CFAP206: variants seen among roughly 807,000 people sequenced by gnomAD.
The protein encoded by CFAP206 is cilia- and flagella-associated protein 206.
A neutral mutation model predicts 65.4 loss-of-function variants in CFAP206; 53 were observed. The observed-to-expected ratio is 0.81, with a 90% CI of 0.65 to 1.02. CFAP206 has a LOEUF of 1.02. CFAP206 is among the 50% of genes least tolerant of loss of function. The probability of loss-of-function intolerance (pLI) is 0.00; values close to 1 mark genes in which losing one functional copy is unlikely to be tolerated. For synonymous variants in CFAP206, 250 were observed against 254.4 expected (o/e 0.98, Z 0.17); for missense variants, 663 against 753.2 (o/e 0.88, Z 1.40).
chr6:87,414,171 A>G (rs1285113708), intron 4 of CFAP206, among the ~76,000 whole-genome samples: 1 of 152,228 alleles, frequency 6.6e-6, no homozygotes, highest in Non-Finnish European at 1.5e-5. Context: ...CAGCCCATTG[A>G]AGTTAAAAGT....
intron 11 of CFAP206, among the ~76,000 whole-genome samples, chr6:87,459,006 A>T (rs1019002737): frequency 6.6e-6 from 1 of 152,112 alleles, no homozygotes; most frequent in African/African-American, 2.4e-5. Context: ...TAGTTCTCAA[A>T]TTTGTTCAAA....
chr6:87,446,983 T>C (rs1246877026), intron 11 of CFAP206, among the ~76,000 whole-genome samples: 1 of 152,198 alleles, frequency 6.6e-6, no homozygotes, highest in African/African-American at 2.4e-5. Context: ...TATCATGGTT[T>C]GGCTCTCTGC....
intron 11 of CFAP206, among the ~76,000 whole-genome samples, chr6:87,460,425 A>G (rs1213819370): frequency 6.6e-6 from 1 of 152,184 alleles, no homozygotes; most frequent in African/African-American, 2.4e-5. Context: ...ATTTCTATCC[A>G]TTTTCAACAG....
chr6:87,461,225 T>A (rs779127125), intron 12 of CFAP206, 60 bp downstream of exon 12: 42 of 1,150,452 alleles, frequency 3.7e-5, no homozygotes, highest in Non-Finnish European at 5.0e-5. Context: ...CTATTGTTAC[T>A]CATAGAGTTG....
intron 5 of CFAP206, 27 bp from the exon 6 acceptor site, chr6:87,416,642 C>A: frequency 3.3e-6 from 4 of 1,222,664 alleles, no homozygotes; most frequent in South Asian, 1.6e-5. Flanking sequence ...TTTTGTTTTC[C>A]TTTTTTTTTT....
intron 1 of CFAP206, 83 bp from the exon 2 acceptor site, chr6:87,409,752 C>CAGA: frequency 1.2e-6 from 1 of 846,186 alleles, no homozygotes. Context: ...TTTACAAATA[C>CAGA]AATATTGCAG....
rs376007506 is a variant in CFAP206, at chr6:87,409,359, G to T, written c.-5-476G>T. Among the ~76,000 whole-genome samples, 9 of 151,966 alleles carry T rather than the reference G, an allele frequency of 5.9e-5. No individual in the cohort carries two copies. The East Asian group carries it at 9.7e-4, about 16-fold the overall frequency. ...CTCCCAAGTAGCTGGGATTACAGGC[G>T]TGTGCCACCACTCCCGGCTAATTTT... On this transcript the variant is annotated intron_variant, in intron 1 of 12. Coordinates refer to ENST00000369562, the MANE Select transcript of CFAP206 (RefSeq NM_001031743.3).
intron 3 of CFAP206, among the ~76,000 whole-genome samples, chr6:87,412,743 C>T (rs930616244): frequency 3.3e-5 from 5 of 152,110 alleles, no homozygotes; most frequent in Middle Eastern, 3.2e-3. Context: ...ATTGCCATGT[C>T]CACCTCCCGG....
At chr6:87,454,888 A>G (rs118077762) in intron 11 of CFAP206, among the ~76,000 whole-genome samples, 8,303 of 150,492 alleles carry the variant, frequency 0.055, 285 homozygotes, top group East Asian at 0.086. Flanking sequence ...AACCCTAAAA[A>G]TCAATAACAA....
chr6:87,420,841 GT>G (rs1767927994), intron 7 of CFAP206, among the ~76,000 whole-genome samples: 1 of 152,180 alleles, frequency 6.6e-6, no homozygotes, highest in African/African-American at 2.4e-5. Context: ...CTTTATGGCT[GT>G]TTTGTACTGA....
intron 11 of CFAP206, among the ~76,000 whole-genome samples, chr6:87,452,225 C>A (rs902948505): frequency 6.6e-6 from 1 of 152,240 alleles, no homozygotes; most frequent in Non-Finnish European, 1.5e-5. Context: ...CAAGGCAGTA[C>A]CTCTGCGAGT....
chr6:87,412,068 G>T (rs1767743558), intron 3 of CFAP206, among the ~76,000 whole-genome samples: 1 of 152,146 alleles, frequency 6.6e-6, no homozygotes, highest in Non-Finnish European at 1.5e-5. Context: ...GACCCAAGAA[G>T]AGTTTTCCAT....
chr6:87,424,078 G>A lies in CFAP206; in HGVS notation c.841-2448G>A, dbSNP rs1047147168. On this transcript the variant is annotated intron_variant, in intron 7 of 12. Coordinates refer to ENST00000369562, the MANE Select transcript of CFAP206 (RefSeq NM_001031743.3). ...ACAACCATTTCTGGTGACATCTTGG[G>A]CAACACAGTATAATGGTTAAGAGCT... 5.9e-5 allele frequency among the ~76,000 whole-genome samples: 9 copies of A among 152,056 alleles called. 1 individual carries two copies. The highest frequency in any genetic ancestry group is 5.9e-4 in the Admixed American group (9 of 15,256).
rs1021136536 is a variant in CFAP206, at chr6:87,464,366, G to A, written c.*116G>A. ...TAGGGGTGGCACATTCATTGGTTGT[G>A]TGACTGTTTATTGGGTTCCCATATT... On this transcript the variant is annotated 3_prime_UTR_variant, in exon 13 of 13. Coordinates refer to ENST00000369562, the MANE Select transcript of CFAP206 (RefSeq NM_001031743.3). The A allele has an allele frequency of 6.0e-6, 4 of 663,568 alleles. No individual in the cohort carries two copies. The highest frequency in any genetic ancestry group is 9.3e-6 in the Non-Finnish European group (4 of 428,950). 41.1% of individuals were successfully genotyped at this position (663,568 alleles called of 1,614,324 possible). A position where few individuals can be genotyped will look rare whatever the true frequency, so the allele number is the denominator to read the frequency against.
intron 12 of CFAP206, among the ~76,000 whole-genome samples, chr6:87,462,527 G>A (rs985265306): frequency 6.6e-6 from 1 of 151,728 alleles, no homozygotes; most frequent in Non-Finnish European, 1.5e-5. Context: ...AAATATTTCA[G>A]TACCTCCTTG....
At chr6:87,456,977 G>A (rs551092959) in intron 11 of CFAP206, among the ~76,000 whole-genome samples, 5 of 151,824 alleles carry the variant, frequency 3.3e-5, no homozygotes, top group East Asian at 1.9e-4. Flanking sequence ...GTGAAACCCC[G>A]TCTCTACTAA....
At chr6:87,449,568 G>A (rs1389981057) in intron 11 of CFAP206, among the ~76,000 whole-genome samples, 1 of 151,798 alleles carries the variant, frequency 6.6e-6, no homozygotes. Context: ...TTTCCCTGAT[G>A]ATTAGTGACA....
At chr6:87,438,619 G>T (rs972359624) in intron 11 of CFAP206, among the ~76,000 whole-genome samples, 2 of 151,826 alleles carry the variant, frequency 1.3e-5, no homozygotes, top group African/African-American at 4.8e-5. Context: ...TTTTATTGGG[G>T]ATTTGCCACA....
At chr6:87,415,641 T>C in intron 4 of CFAP206, 45 bp from the exon 5 acceptor site, 1 of 1,535,406 alleles carries the variant, frequency 6.5e-7, no homozygotes, top group Non-Finnish European at 8.9e-7. Context: ...GTAAGAAGAA[T>C]TCTAAAAATT....
Sources: allele counts gnomAD v4.1 joint callset (sites outside exome capture counted in the v4.1 genomes callset), GRCh38; gene constraint gnomAD v4.1.1; transcripts MANE v1.5; gene names NCBI Gene and HGNC (gene_info 2026-07-23, HGNC 2026-07-21).